Variants in PTPRD observed in about 807,000 individuals in gnomAD.
PTPRD encodes the protein receptor-type tyrosine-protein phosphatase delta.
Under a neutral mutation model 214.5 loss-of-function variants are expected in PTPRD, and 34 were observed. That is an observed-to-expected ratio of 0.16 (90% CI 0.12 to 0.21). PTPRD has a LOEUF of 0.21. PTPRD is among the 10% of genes least tolerant of loss of function. PTPRD has a pLI of 1.00. For missense variants in PTPRD, 2,545 were observed against 2,398.7 expected, an observed-to-expected ratio of 1.06 and a Z score of -1.27; for synonymous variants, 1,128 against 845.7, an observed-to-expected ratio of 1.33 and a Z score of -5.79.
chr9:9,587,776 T>A (rs765688312), intron 7 of PTPRD, among the ~76,000 whole-genome samples: 2 of 151,978 alleles, frequency 1.3e-5, no homozygotes, highest in Non-Finnish European at 2.9e-5. Context: ...TACTGCATGT[T>A]CTTACTCATA....
chr9:10,007,487 T>A lies in PTPRD; in HGVS notation c.-472+26231A>T, dbSNP rs190953097. Among the ~76,000 whole-genome samples the A allele has an allele frequency of 2.4e-4, 37 of 152,118 alleles. No individual in the cohort carries two copies. In the East Asian group the frequency reaches 6.8e-3, roughly 28 times the overall value. On this transcript the variant is annotated intron_variant, in intron 4 of 45. Transcript: ENST00000381196. ...TGAATTACTTGTCCTTGGGGGCCAGTTAAATAAGACAGAAGGCCATCTGTT... is the reference window on the plus strand; with the variant it reads ...TGAATTACTTGTCCTTGGGGGCCAGATAAATAAGACAGAAGGCCATCTGTT...
intron 10 of PTPRD, among the ~76,000 whole-genome samples, chr9:9,135,428 G>C (rs534424240): frequency 2.0e-5 from 3 of 152,160 alleles, no homozygotes; most frequent in Admixed American, 6.5e-5. Flanking sequence ...AGAGTTTAAA[G>C]GATTGAAGAT....
intron 7 of PTPRD, among the ~76,000 whole-genome samples, chr9:9,635,547 T>C (rs2095737838): frequency 6.6e-6 from 1 of 152,336 alleles, no homozygotes; most frequent in East Asian, 1.9e-4. Flanking sequence ...CTTTTACAGC[T>C]GAAGAAAGCC....
intron 3 of PTPRD, among the ~76,000 whole-genome samples, chr9:10,210,553 A>G (rs1028117907): frequency 1.3e-5 from 2 of 151,618 alleles, no homozygotes; most frequent in Non-Finnish European, 2.9e-5. Context: ...ATCAATTTCC[A>G]CTAGTTATAA....
intron 7 of PTPRD, among the ~76,000 whole-genome samples, chr9:9,591,336 A>G (rs674171): frequency 0.35 from 53,259 of 151,658 alleles, 9,755 homozygotes; most frequent in African/African-American, 0.42. Flanking sequence ...AATGAAGAAA[A>G]TGGATCTGTG....
At chr9:9,126,653 A>G (rs2099834391) in intron 10 of PTPRD, among the ~76,000 whole-genome samples, 2 of 152,204 alleles carry the variant, frequency 1.3e-5, no homozygotes, top group African/African-American at 2.4e-5. Context: ...TTGGTGAATC[A>G]CTGAGTGATG....
intron 11 of PTPRD, among the ~76,000 whole-genome samples, chr9:8,812,179 C>T (rs2154523067): frequency 6.6e-6 from 1 of 152,234 alleles, no homozygotes; most frequent in South Asian, 2.1e-4. Context: ...GACTTCCATT[C>T]TTTAAAAAAG....
chr9:10,039,436 C>G (rs2097255557), intron 3 of PTPRD, among the ~76,000 whole-genome samples: 1 of 152,044 alleles, frequency 6.6e-6, no homozygotes, highest in South Asian at 2.1e-4. Flanking sequence ...GTATATAAAT[C>G]TCTATTATCT....
chr9:8,851,226 T>C (rs941856538), intron 11 of PTPRD, among the ~76,000 whole-genome samples: 2 of 150,834 alleles, frequency 1.3e-5, no homozygotes, highest in Non-Finnish European at 2.9e-5. Context: ...GCACTTATTC[T>C]GCTTCAGTAT....
chr9:10,524,732 C>G (rs992456801), intron 2 of PTPRD, among the ~76,000 whole-genome samples: 5 of 152,060 alleles, frequency 3.3e-5, no homozygotes, highest in African/African-American at 1.2e-4. Flanking sequence ...TATAATCTCA[C>G]TTTGAGAAGA....
At chr9:9,928,899 ATAAAG>A (rs2085338142) in intron 5 of PTPRD, among the ~76,000 whole-genome samples, 2 of 152,158 alleles carry the variant, frequency 1.3e-5, no homozygotes, top group African/African-American at 4.8e-5. Flanking sequence ...TTTCACACTT[ATAAAG>A]TACTTAAACA....
chr9:8,629,330 C>A lies in PTPRD; in HGVS notation c.352+3987G>T, dbSNP rs368538112. On this transcript the variant is annotated intron_variant, in intron 14 of 45. Transcript: ENST00000381196. ...GGATGGTGATATCTCATTTTCCCTG[C>A]CTAGTGATTGATAACATCTATCAGA... Among the ~76,000 whole-genome samples the A allele has an allele frequency of 2.9e-4, 44 of 151,920 alleles. No homozygotes were observed. The South Asian group carries it at 8.7e-3, about 30-fold the overall frequency.
intron 5 of PTPRD, among the ~76,000 whole-genome samples, chr9:9,771,166 C>A (rs2098748818): frequency 6.6e-6 from 1 of 152,024 alleles, no homozygotes; most frequent in South Asian, 2.1e-4. Flanking sequence ...TTTTTCCCAC[C>A]TTTATTAACT....
At chr9:9,896,385 T>G (rs142389238) in intron 5 of PTPRD, among the ~76,000 whole-genome samples, 1,853 of 152,168 alleles carry the variant, frequency 0.012, 13 homozygotes, top group Middle Eastern at 0.044. Flanking sequence ...TTTTTTCACA[T>G]GAATACATCT....
chr9:9,646,337 G>GTT (rs1284202174), intron 7 of PTPRD, among the ~76,000 whole-genome samples: 1 of 147,930 alleles, frequency 6.8e-6, no homozygotes, highest in Non-Finnish European at 1.5e-5. Flanking sequence ...GTGTGTGTGT[G>GTT]TGTGTGGGTG....
chr9:8,689,983 C>T lies in PTPRD; in HGVS notation c.64+43797G>A, dbSNP rs571143555. Reference sequence around the variant, plus strand: ...ATTAGCTGGGCACAGTGGCATGTGCCTGTAGTCCCAGCTACTCAGGATGCT... The same window carrying T: ...ATTAGCTGGGCACAGTGGCATGTGCTTGTAGTCCCAGCTACTCAGGATGCT... On this transcript the variant is annotated intron_variant, in intron 12 of 45. Transcript: ENST00000381196. 2.6e-5 allele frequency among the ~76,000 whole-genome samples: 4 copies of T among 152,000 alleles called. No homozygotes were observed. In the East Asian group the frequency reaches 7.8e-4, roughly 30 times the overall value.
chr9:10,317,971 G>C (rs1271353411), intron 3 of PTPRD, among the ~76,000 whole-genome samples: 1 of 151,742 alleles, frequency 6.6e-6, no homozygotes, highest in Admixed American at 6.6e-5. Context: ...ACCTATTTTT[G>C]CATGTCCTGT....
chr9:9,257,137 T>C (rs1309904733), intron 9 of PTPRD, among the ~76,000 whole-genome samples: 1 of 151,992 alleles, frequency 6.6e-6, no homozygotes, highest in African/African-American at 2.4e-5. Flanking sequence ...AGAGATGATC[T>C]AGTAAAATCT....
intron 3 of PTPRD, among the ~76,000 whole-genome samples, chr9:10,304,450 T>C (rs546723518): frequency 6.6e-6 from 1 of 152,124 alleles, no homozygotes; most frequent in Non-Finnish European, 1.5e-5. Flanking sequence ...AGTATTCAAA[T>C]GGGAAGAGAG....
Sources: gnomAD v4.1 joint callset for allele counts (sites outside exome capture counted in the v4.1 genomes callset) on GRCh38, gnomAD v4.1.1 for gene constraint, MANE v1.5 for transcripts, NCBI Gene and HGNC (gene_info 2026-07-23, HGNC 2026-07-21) for gene names.